SMYD4: variants seen among roughly 807,000 people sequenced by gnomAD.
SMYD4 encodes protein-lysine N-methyltransferase SMYD4.
A neutral mutation model predicts 72.8 loss-of-function variants in SMYD4; 68 were observed. That is an observed-to-expected ratio of 0.93 (90% CI 0.77 to 1.14). The LOEUF is 1.14. Among genes scored for constraint, SMYD4 ranks in the 50% most tolerant of loss-of-function variants. The pLI is 0.00. For synonymous variants in SMYD4, 407 were observed against 388.6 expected (o/e 1.05, Z -0.56); for missense variants, 984 against 1,003.7 (o/e 0.98, Z 0.27).
chr17:1,829,456 C>T (rs1358702583), intron 1 of SMYD4: 1 of 152,352 alleles, frequency 6.6e-6, no homozygotes, highest in East Asian at 1.9e-4. Flanking sequence ...GATTCCAACA[C>T]CCTTGGGGCC....
chr17:1,800,078 T>C lies in SMYD4; in HGVS notation c.1316A>G (p.His439Arg). 6 of 1,611,906 alleles carry C rather than the reference T, an allele frequency of 3.7e-6. No homozygotes were observed. The highest frequency in any genetic ancestry group is 5.1e-6 in the Non-Finnish European group (6 of 1,178,452). The change falls in exon 5 of 11, where the codon CAC (histidine) becomes CGC (arginine). Residue 439 changes from histidine to arginine, a missense_variant. Coordinates refer to ENST00000305513, the MANE Select transcript of SMYD4 (RefSeq NM_052928.3). ...LPHTENHSPEHKFLCALCVSA... is the reference protein window; with the variant it reads ...LPHTENHSPERKFLCALCVSA... ...AACACAGAGAGCACAGAGGAATTTG[T>C]GCTCTGGGCTATGGTTTTCAGTGTG...
intron 5 of SMYD4, among the ~76,000 whole-genome samples, chr17:1,790,487 G>C (rs992133738): frequency 6.6e-6 from 1 of 151,968 alleles, no homozygotes; most frequent in South Asian, 2.1e-4. Flanking sequence ...TACCAAAACA[G>C]TACCTTGCTA....
intron 7 of SMYD4, among the ~76,000 whole-genome samples, chr17:1,784,825 A>G (rs138865994): frequency 2.1e-3 from 320 of 151,986 alleles, no homozygotes; most frequent in Non-Finnish European, 3.6e-3. Context: ...GCTGGAGTGC[A>G]GTGGTGCGAT....
intron 2 of SMYD4, 141 bp downstream of exon 2, chr17:1,827,720 G>GA: frequency 8.6e-7 from 1 of 1,165,150 alleles, no homozygotes. Flanking sequence ...AGGATTGCTT[G>GA]AGCCCAGAAA....
intron 7 of SMYD4, among the ~76,000 whole-genome samples, chr17:1,785,030 G>C (rs867857624): frequency 6.7e-6 from 1 of 148,970 alleles, no homozygotes; most frequent in Middle Eastern, 3.4e-3. Flanking sequence ...CTCATGATCC[G>C]CTCGCCTCAG....
chr17:1,818,434 T>C (rs2151251504), intron 2 of SMYD4, among the ~76,000 whole-genome samples: 1 of 152,330 alleles, frequency 6.6e-6, no homozygotes, highest in East Asian at 1.9e-4. Flanking sequence ...TTCGCAGGCC[T>C]CTGCTTTAAA....
In SMYD4 at chr17:1,824,771, C is replaced by T. The variant is rs149420943; in HGVS notation, c.134+3090G>A. ...AGTAGGTGCGGTTACAGGCACATGC[C>T]GCAATGCCTGGCTAATTTTTTTTTT... On this transcript the variant is annotated intron_variant, in intron 2 of 10. Coordinates refer to ENST00000305513, the MANE Select transcript of SMYD4 (RefSeq NM_052928.3). Among the ~76,000 whole-genome samples the T allele has an allele frequency of 1.8e-3, 281 of 152,148 alleles. 2 individuals carry two copies. Among genetic ancestry groups the T allele is most frequent in the African/African-American group, 6.4e-3 (264 of 41,528 alleles).
intron 2 of SMYD4, among the ~76,000 whole-genome samples, chr17:1,816,539 G>C (rs1273376595): frequency 6.6e-6 from 1 of 151,442 alleles, no homozygotes; most frequent in Non-Finnish European, 1.5e-5. Context: ...AGAATCACTT[G>C]AACCCAGGAG....
chr17:1,793,024 TG>T (rs910495991), intron 5 of SMYD4, among the ~76,000 whole-genome samples: 2 of 152,108 alleles, frequency 1.3e-5, no homozygotes, highest in African/African-American at 4.8e-5. Context: ...CCCGAGCCGC[TG>T]TCCCACCTCA....
At chr17:1,801,804 A>G (rs1247172399) in intron 4 of SMYD4, among the ~76,000 whole-genome samples, 1 of 151,318 alleles carries the variant, frequency 6.6e-6, no homozygotes, top group Admixed American at 6.6e-5. Context: ...GTGAAACCCC[A>G]TCTCTACTAA....
intron 3 of SMYD4, among the ~76,000 whole-genome samples, chr17:1,806,162 T>C (rs1383327173): frequency 6.6e-6 from 1 of 152,050 alleles, no homozygotes; most frequent in Non-Finnish European, 1.5e-5. Context: ...CGTGACCTCG[T>C]GATCCGCTCG....
intron 2 of SMYD4, among the ~76,000 whole-genome samples, chr17:1,817,310 T>C (rs1910657357): frequency 6.6e-6 from 1 of 151,974 alleles, no homozygotes; most frequent in South Asian, 2.1e-4. Flanking sequence ...AGTGCTGGGA[T>C]TACAGGCGTG....
rs542143093 is a variant in SMYD4 at position 1,803,582 on chromosome 17, A to G, written c.369+1044T>C. Among the ~76,000 whole-genome samples the G allele has an allele frequency of 1.3e-4, 19 of 151,900 alleles. No individual in the cohort carries two copies. The East Asian group carries it at 3.1e-3, about 25-fold the overall frequency. On this transcript the variant is annotated intron_variant, in intron 4 of 10. Transcript: ENST00000305513. The stretch of plus-strand genomic sequence containing the variant: ...TCTCAGCTCACTGACTCACTGCAAC[A>G]TCTGCCTCCCAGGTTCAAGAGATTC...
chr17:1,816,059 A>G (rs937892796), intron 2 of SMYD4, among the ~76,000 whole-genome samples: 10 of 129,386 alleles, frequency 7.7e-5, no homozygotes, highest in African/African-American at 2.9e-4. Context: ...ATATTATCCA[A>G]CCATCAGCAC....
At chr17:1,809,366 GTTATTA>G (rs892395411) in intron 3 of SMYD4, among the ~76,000 whole-genome samples, 7 of 128,184 alleles carry the variant, frequency 5.5e-5, no homozygotes, top group African/African-American at 1.5e-4. Context: ...TATTATTATT[GTTATTA>G]TTATTATTAT....
chr17:1,782,797 C>T (rs1471358664), intron 10 of SMYD4: 7 of 273,954 alleles, frequency 2.6e-5, no homozygotes, highest in South Asian at 1.1e-4. Context: ...GATGGAGTCT[C>T]GCTCTGTCGC....
At chr17:1,782,784 T>G in intron 10 of SMYD4, 1 of 237,828 alleles carries the variant, frequency 4.2e-6, no homozygotes, top group Non-Finnish European at 7.9e-6. Flanking sequence ...TTTTTTTTTT[T>G]GAGATGGAGT....
At chr17:1,795,778 C>G (rs1234002151) in intron 5 of SMYD4, among the ~76,000 whole-genome samples, 1 of 107,758 alleles carries the variant, frequency 9.3e-6, no homozygotes, top group Non-Finnish European at 1.8e-5. Context: ...GTATTTTCCT[C>G]TAGAATTATG....
intron 5 of SMYD4, among the ~76,000 whole-genome samples, chr17:1,795,339 C>CATCT (rs886902680): frequency 2.6e-4 from 18 of 69,820 alleles, no homozygotes; most frequent in East Asian, 3.8e-4. Flanking sequence ...TCTATCTAAT[C>CATCT]ATCTATCTAT....
Sources: allele counts gnomAD v4.1 joint callset (sites outside exome capture counted in the v4.1 genomes callset), GRCh38; gene constraint gnomAD v4.1.1; transcripts MANE v1.5; gene names NCBI Gene and HGNC (gene_info 2026-07-23, HGNC 2026-07-21).